FBXW11: variants seen among roughly 807,000 people sequenced by gnomAD.
The protein encoded by FBXW11 is F-box and WD repeat domain containing 11, also known as F-box/WD repeat-containing protein 11.
In FBXW11, 19 loss-of-function variants were observed where a neutral mutation model predicts 77.6. That is an observed-to-expected ratio of 0.24 (90% CI 0.17 to 0.36). The LOEUF is 0.36. FBXW11 is among the 10% of genes least tolerant of loss of function. The pLI is 1.00. For synonymous variants in FBXW11, 235 were observed against 249.4 expected, an observed-to-expected ratio of 0.94 and a Z score of 0.54; for missense variants, 334 against 704.2, an observed-to-expected ratio of 0.47 and a Z score of 5.95.
At chr5:171,892,707 G>A (rs976982599) in intron 6 of FBXW11, among the ~76,000 whole-genome samples, 1 of 152,206 alleles carries the variant, frequency 6.6e-6, no homozygotes, top group African/African-American at 2.4e-5. Flanking sequence ...GTAGACATAA[G>A]TGATTTTTTA....
At chr5:171,894,166 TCCCCTGAGA>T in intron 6 of FBXW11, among the ~76,000 whole-genome samples, 1 of 152,094 alleles carries the variant, frequency 6.6e-6, no homozygotes, top group Admixed American at 6.5e-5. Context: ...GATACATCAG[TCCCCTGAGA>T]TGTCTGGACA....
At chr5:171,943,011 C>G (rs1762827050) in intron 2 of FBXW11, among the ~76,000 whole-genome samples, 1 of 152,136 alleles carries the variant, frequency 6.6e-6, no homozygotes, top group Admixed American at 6.6e-5. Flanking sequence ...CTTTAACCCT[C>G]AATTTTTCAT....
intron 4 of FBXW11, among the ~76,000 whole-genome samples, 156 bp from the exon 5 acceptor site, chr5:171,900,256 T>C (rs1469446634): frequency 2.0e-5 from 3 of 152,220 alleles, no homozygotes; most frequent in Non-Finnish European, 2.9e-5. Flanking sequence ...CATGAGTACA[T>C]AAACATATAC....
In FBXW11 at chr5:171,870,839, C is replaced by A; in HGVS notation, c.1360G>T (p.Gly454Cys). ...CCCTCTAGGACTCTTAAACAGGCAC[C>A]ACATTCAATATCCCAGAGCCTTGAA... ...NTIRLWDIEC[G>C]ACLRVLEGHE... The change falls in exon 11 of 14, where the codon GGT becomes TGT. Residue 454 changes from glycine to cysteine, a missense_variant. This residue lies in a region of FBXW11 where 50 missense variants were observed against 119.6 expected (regional missense o/e 0.42). Coordinates refer to ENST00000517395, the MANE Select transcript of FBXW11 (RefSeq NM_001378974.1). 6.2e-7 allele frequency: 1 copy of A among 1,613,374 alleles called. No homozygotes were observed. Among genetic ancestry groups the A allele is most frequent in the Non-Finnish European group, 8.5e-7 (1 of 1,179,348 alleles).
In FBXW11 at chr5:171,910,807, A is replaced by G. The variant is rs923701258; in HGVS notation, c.211-10T>C. 12 of 1,507,814 alleles carry G rather than the reference A, an allele frequency of 8.0e-6. No homozygotes were observed. The highest frequency in any genetic ancestry group is 1.4e-5 in the African/African-American group (1 of 69,930). The allele number at this position is 1,507,814 out of a possible 1,614,324, so 93.4% of individuals were successfully genotyped here. A position where few individuals can be genotyped will look rare whatever the true frequency, so the allele number is the denominator to read the frequency against. The stretch of plus-strand genomic sequence containing the variant: ...ATGTTCCATTACTTATCTATTTTAG[A>G]AAAACAAAAAAAAAATTAGTTTAAC... On this transcript the variant is annotated splice_polypyrimidine_tract_variant and intron_variant, in intron 3 of 13. Transcript: ENST00000517395.
chr5:171,960,075 G>C (rs1034077365), intron 1 of FBXW11, among the ~76,000 whole-genome samples: 4 of 148,962 alleles, frequency 2.7e-5, no homozygotes, highest in African/African-American at 7.3e-5. Flanking sequence ...GCAAAGAAGA[G>C]AGTTTAAGGA....
intron 2 of FBXW11, among the ~76,000 whole-genome samples, chr5:171,919,578 T>C (rs1486440304): frequency 6.6e-6 from 1 of 152,218 alleles, no homozygotes; most frequent in Admixed American, 6.5e-5. Flanking sequence ...AATTGTTATT[T>C]AATGATTGCC....
chr5:171,954,055 A>C (rs1763493186), intron 2 of FBXW11, among the ~76,000 whole-genome samples: 1 of 152,170 alleles, frequency 6.6e-6, no homozygotes, highest in Non-Finnish European at 1.5e-5. Context: ...AATCAGTCCT[A>C]CCCCAGCAAA....
At chr5:171,894,022 A>G (rs963929444) in intron 6 of FBXW11, among the ~76,000 whole-genome samples, 4 of 164 alleles carry the variant, frequency 0.024, no homozygotes, top group Non-Finnish European at 0.033. Context: ...AATTTTCTCC[A>G]TGCTCTCCGC....
rs185166502 is a variant in FBXW11 at position 171,999,942 on chromosome 5, C to T, written c.45+6516G>A. Reference sequence around the variant, plus strand: ...GGGAATTTCCTAAAAACGCTTCCCGCTGACATCACAGAACTCTTCCATCTT... The same window carrying T: ...GGGAATTTCCTAAAAACGCTTCCCGTTGACATCACAGAACTCTTCCATCTT... On this transcript the variant is annotated intron_variant, in intron 1 of 13. Transcript: ENST00000517395. Among the ~76,000 whole-genome samples, 33 of 152,316 alleles carry T rather than the reference C, an allele frequency of 2.2e-4. 1 individual carries two copies. In the East Asian group the frequency reaches 4.8e-3, roughly 22 times the overall value.
chr5:171,952,340 G>C lies in FBXW11; in HGVS notation c.147+5257C>G, dbSNP rs1229583668. Among the ~76,000 whole-genome samples, 6 of 141,934 alleles carry C rather than the reference G, an allele frequency of 4.2e-5. No homozygotes were observed. The South Asian group carries it at 1.4e-3, about 34-fold the overall frequency. The allele number at this position is 141,934 out of a possible 152,430, so 93.1% of individuals were successfully genotyped here. A position where few individuals can be genotyped will look rare whatever the true frequency, so the allele number is the denominator to read the frequency against. ...TCTATTTCGTAAATTTTCTTATAAA[G>C]AGGAAAGATGTGGTTTTTTTTAACC... On this transcript the variant is annotated intron_variant, in intron 2 of 13. Transcript: ENST00000517395.
chr5:171,869,064 AAAC>A lies in FBXW11; in HGVS notation c.1531-271_1531-269del, dbSNP rs960252424. Reference sequence around the variant, plus strand: ...ATCTCAAAAAGGGCCTTATAAAAGTAAACAACAATACATAATACCCATTCTTGA... The same window carrying A: ...ATCTCAAAAAGGGCCTTATAAAAGTAAACAATACATAATACCCATTCTTGA... On this transcript the variant is annotated intron_variant, in intron 12 of 13. Transcript: ENST00000517395. This position sits in a 1 kb window ranked among gnomAD's most constrained non-coding sequence, Gnocchi z 4.1. Among the ~76,000 whole-genome samples the A allele has an allele frequency of 1.3e-5, 2 of 152,218 alleles. No individual in the cohort carries two copies. The highest frequency in any genetic ancestry group is 2.9e-5 in the Non-Finnish European group (2 of 68,044).
At chr5:171,995,508 CT>C (rs1364042294) in intron 1 of FBXW11, among the ~76,000 whole-genome samples, 4 of 152,124 alleles carry the variant, frequency 2.6e-5, no homozygotes, top group Non-Finnish European at 4.4e-5. Context: ...AATCCCAGCA[CT>C]TTGGGAGGCT....
intron 13 of FBXW11, among the ~76,000 whole-genome samples, chr5:171,866,002 C>T (rs1417878346): frequency 6.6e-6 from 1 of 152,168 alleles, no homozygotes; most frequent in Non-Finnish European, 1.5e-5. Context: ...CGGTGGCTCA[C>T]TCCTTTATTC....
At chr5:171,991,844 T>C (rs984057841) in intron 1 of FBXW11, among the ~76,000 whole-genome samples, 2 of 151,074 alleles carry the variant, frequency 1.3e-5, no homozygotes, top group South Asian at 2.1e-4. Flanking sequence ...GGCCGGGAGG[T>C]TGGCTCACAT....
chr5:171,904,272 GT>G lies in FBXW11; in HGVS notation c.437-4173del, dbSNP rs1760327138. 6.6e-6 allele frequency among the ~76,000 whole-genome samples: 1 copy of G among 151,996 alleles called. No individual in the cohort carries two copies. Among genetic ancestry groups the G allele is most frequent in the Admixed American group, 6.6e-5 (1 of 15,262 alleles). On this transcript the variant is annotated intron_variant, in intron 4 of 13. Transcript: ENST00000517395. This position sits in a 1 kb window ranked among gnomAD's most constrained non-coding sequence, Gnocchi z 4.0. ...ATCATGCCACTGCACTCTAGCCTGG[GT>G]TACAGTGCAAGACTCTGTCTTTTTT...
In FBXW11 at chr5:171,872,938, C is replaced by T. The variant is rs1199148006; in HGVS notation, c.1274G>A (p.Arg425Gln). ...EFVRTLNGHK[R>Q]GIACLQYRDR... is the part of the protein sequence containing the mutation. Reference sequence around the variant, plus strand: ...CCTGTACTGGAGACAGGCAATGCCCCGCTTGTGCCCATTGAGAGTACGAAC... The same window carrying T: ...CCTGTACTGGAGACAGGCAATGCCCTGCTTGTGCCCATTGAGAGTACGAAC... Residue 425 changes from arginine to glutamine, a missense_variant, in exon 10 of 14, where the codon CGG becomes CAG. This residue lies in a region of FBXW11 where 50 missense variants were observed against 119.6 expected (regional missense o/e 0.42). Coordinates refer to ENST00000517395, the MANE Select transcript of FBXW11 (RefSeq NM_001378974.1). The T allele has an allele frequency of 6.2e-7, 1 of 1,614,066 alleles. No individual in the cohort carries two copies. The highest frequency in any genetic ancestry group is 8.5e-7 in the Non-Finnish European group (1 of 1,179,984).
intron 1 of FBXW11, among the ~76,000 whole-genome samples, chr5:171,997,397 T>C: frequency 6.6e-6 from 1 of 152,228 alleles, no homozygotes; most frequent in East Asian, 1.9e-4. Context: ...TCCTTATCCA[T>C]TTTCTAAGAC....
At chr5:171,982,554 C>G (rs1394098982) in intron 1 of FBXW11, among the ~76,000 whole-genome samples, 1 of 152,218 alleles carries the variant, frequency 6.6e-6, no homozygotes, top group African/African-American at 2.4e-5. Context: ...TGAGCCACCA[C>G]GCCCAGCCAG....
Sources: allele counts gnomAD v4.1 joint callset (sites outside exome capture counted in the v4.1 genomes callset), GRCh38; gene constraint gnomAD v4.1.1; regional missense constraint gnomAD v4.1.1; non-coding constraint Gnocchi (gnomAD v3.1); transcripts MANE v1.5; gene names NCBI Gene and HGNC (gene_info 2026-07-23, HGNC 2026-07-21).